Variants in AOAH observed in about 807,000 individuals in gnomAD.
AOAH encodes the protein acyloxyacyl hydrolase (neutrophil).
A neutral mutation model predicts 92.2 loss-of-function variants in AOAH; 64 were observed. The ratio of observed to expected loss-of-function variants is 0.69; its 90% confidence interval spans 0.57 to 0.86. AOAH has a LOEUF of 0.86. Ranked by LOEUF, AOAH falls within the 40% of genes least tolerant of loss-of-function variation. The pLI, the probability that AOAH is intolerant of heterozygous loss-of-function variation, is 0.00. For missense variants in AOAH, 656 were observed against 694.6 expected, an observed-to-expected ratio of 0.94 and a Z score of 0.62; for synonymous variants, 263 against 254.5, an observed-to-expected ratio of 1.03 and a Z score of -0.32.
At chr7:36,609,424 C>T (rs1438793820) in intron 11 of AOAH, among the ~76,000 whole-genome samples, 2 of 152,242 alleles carry the variant, frequency 1.3e-5, no homozygotes, top group African/African-American at 4.8e-5. Flanking sequence ...GGATAAACTC[C>T]AGCCCTTTGA....
chr7:36,517,210 C>CTTTCTTTCTT (rs1346473171), intron 20 of AOAH, among the ~76,000 whole-genome samples: 189 of 66,894 alleles, frequency 2.8e-3, no homozygotes, highest in Middle Eastern at 6.6e-3. Context: ...TTCTTTCTTT[C>CTTTCTTTCTT]TTTCTCTTTC....
In AOAH at chr7:36,620,761, A is replaced by T; in HGVS notation, c.702+20T>A. The T allele has an allele frequency of 1.2e-6, 2 of 1,612,830 alleles. No individual in the cohort carries two copies. Among genetic ancestry groups the T allele is most frequent in the Non-Finnish European group, 1.7e-6 (2 of 1,179,104 alleles). On this transcript the variant is annotated intron_variant, in intron 9 of 20. Transcript: ENST00000617537. ...GAGGAACAAAGGAGAATGGGGTTCA[A>T]GCTGAATTTAGTTGCTTACCCAAAT...
rs1335080140 is a variant in AOAH, at chr7:36,553,334, G to GCAT, written c.1022-3862_1022-3860dup. ...ACAAAGGTCATCATTTTTTAGGGCTGCATAGTATTCCATGGTGTATATGTG... is the reference window on the plus strand; with the variant it reads ...ACAAAGGTCATCATTTTTTAGGGCTGCATCATAGTATTCCATGGTGTATATGTG... On this transcript the variant is annotated intron_variant, in intron 13 of 20. Transcript: ENST00000617537. Among the ~76,000 whole-genome samples the GCAT allele has an allele frequency of 4.6e-5, 7 of 152,076 alleles. No homozygotes were observed. The East Asian group carries it at 1.3e-3, about 29-fold the overall frequency.
Position 36,616,415 on chromosome 7 carries a change from A to G in AOAH, c.811T>C (p.Ser271Pro). Residue 271 changes from serine (S) to proline (P), a missense_variant, in exon 11 of 21, where the codon TCT becomes CCT. Ser to Pro is a moderately conservative substitution (Grantham distance 74). Transcript: ENST00000617537. Reference sequence around the variant, plus strand: ...TGCGACGCTGTGATCCATTCAGGAGAGATGTGAAAATGAGCCCCAGCTGAG... The same window carrying G: ...TGCGACGCTGTGATCCATTCAGGAGGGATGTGAAAATGAGCCCCAGCTGAG... Reference protein sequence around the residue: ...GDSAGAHFHISPEWITASQMS... With the variant: ...GDSAGAHFHIPPEWITASQMS... 1.2e-6 allele frequency: 2 copies of G among 1,614,118 alleles called. No homozygotes were observed. The highest frequency in any genetic ancestry group is 8.5e-7 in the Non-Finnish European group (1 of 1,179,950).
chr7:36,623,296 A>C (rs755532830), intron 6 of AOAH, 46 bp from the exon 7 acceptor site: 1 of 1,562,090 alleles, frequency 6.4e-7, no homozygotes, highest in South Asian at 1.1e-5. Context: ...CAAAAAAAGT[A>C]ACAGTGTTGG....
chr7:36,557,689 T>C (rs1786869271), intron 13 of AOAH, among the ~76,000 whole-genome samples: 1 of 152,166 alleles, frequency 6.6e-6, no homozygotes, highest in African/African-American at 2.4e-5. Context: ...CGTTTCTTTT[T>C]ATTCTTTTTT....
chr7:36,601,674 T>C (rs1173973695), intron 11 of AOAH, among the ~76,000 whole-genome samples: 1 of 152,204 alleles, frequency 6.6e-6, no homozygotes, highest in Admixed American at 6.5e-5. Flanking sequence ...TAAATGTTAG[T>C]AGCATTAAGG....
At chr7:36,554,172 G>T (rs1786505343) in intron 13 of AOAH, among the ~76,000 whole-genome samples, 1 of 152,184 alleles carries the variant, frequency 6.6e-6, no homozygotes. Flanking sequence ...AAGGTGTAAG[G>T]AAGGGATCCA....
intron 6 of AOAH, among the ~76,000 whole-genome samples, chr7:36,623,940 A>G (rs1207379135): frequency 6.6e-6 from 1 of 152,226 alleles, no homozygotes; most frequent in Non-Finnish European, 1.5e-5. Flanking sequence ...TAGGGTCTGG[A>G]GGCAGGAAAC....
At chr7:36,620,867 C>T (rs1792228416) in intron 8 of AOAH, 38 bp from the exon 9 acceptor site, 1 of 1,593,442 alleles carries the variant, frequency 6.3e-7, no homozygotes, top group South Asian at 1.1e-5. Flanking sequence ...TTGACATATG[C>T]TTGTCTCTCA....
intron 12 of AOAH, among the ~76,000 whole-genome samples, chr7:36,591,660 G>A (rs1369041203): frequency 6.6e-6 from 1 of 152,180 alleles, no homozygotes; most frequent in Non-Finnish European, 1.5e-5. Flanking sequence ...AGAGCTAGTG[G>A]GATTTTACAT....
chr7:36,519,191 A>G (rs1392890537), intron 20 of AOAH, among the ~76,000 whole-genome samples: 1 of 152,184 alleles, frequency 6.6e-6, no homozygotes, highest in Non-Finnish European at 1.5e-5. Context: ...GTCAAGCCCC[A>G]GACAGATGTT....
chr7:36,581,904 T>C (rs950567314), intron 12 of AOAH, among the ~76,000 whole-genome samples: 1 of 152,224 alleles, frequency 6.6e-6, no homozygotes, highest in African/African-American at 2.4e-5. Flanking sequence ...ATCCCGAATC[T>C]ATAATCTCTC....
intron 2 of AOAH, among the ~76,000 whole-genome samples, chr7:36,678,586 TGTGTGTGTGTGTGTGCGC>T (rs1340796962): frequency 2.2e-5 from 2 of 92,236 alleles, no homozygotes; most frequent in African/African-American, 1.2e-4. Context: ...TGTGTGTGTG[TGTGTGTGTGTGTGTGCGC>T]GCGCGCGCGC....
intron 3 of AOAH, among the ~76,000 whole-genome samples, chr7:36,669,171 T>C (rs1297205785): frequency 1.3e-5 from 2 of 152,208 alleles, no homozygotes; most frequent in Admixed American, 6.5e-5. Context: ...TGCTCATATT[T>C]AGACCTGTGA....
chr7:36,613,393 C>T (rs1791617348), intron 11 of AOAH, among the ~76,000 whole-genome samples: 1 of 152,226 alleles, frequency 6.6e-6, no homozygotes, highest in Non-Finnish European at 1.5e-5. Flanking sequence ...GCAGGAAACA[C>T]AGAGAGTCTA....
chr7:36,638,696 C>T (rs2116322576), intron 4 of AOAH, among the ~76,000 whole-genome samples: 1 of 152,276 alleles, frequency 6.6e-6, no homozygotes, highest in East Asian at 1.9e-4. Context: ...CTGCCAAATC[C>T]CTCCTGGGCC....
chr7:36,662,159 G>C (rs928496684), intron 3 of AOAH, among the ~76,000 whole-genome samples: 6 of 152,170 alleles, frequency 3.9e-5, no homozygotes, highest in Admixed American at 3.3e-4. Context: ...TCACAGAAAG[G>C]GGGGCCACCT....
intron 11 of AOAH, among the ~76,000 whole-genome samples, chr7:36,611,517 A>T (rs1791456153): frequency 6.6e-6 from 1 of 152,170 alleles, no homozygotes; most frequent in Admixed American, 6.5e-5. Context: ...AGTCTCTAGG[A>T]TGGGGCCGGC....
Sources: allele counts gnomAD v4.1 joint callset (sites outside exome capture counted in the v4.1 genomes callset), GRCh38; gene constraint gnomAD v4.1.1; transcripts MANE v1.5; gene names NCBI Gene and HGNC (gene_info 2026-07-23, HGNC 2026-07-21).